The following TMEM108 variants were observed in gnomAD, a reference collection of about 807,000 sequenced individuals.
TMEM108 encodes the protein transmembrane protein 108, also known as cancer/testis antigen 124.
TMEM108 carries 12 observed loss-of-function variants against 35.1 expected under a neutral mutation model. That is an observed-to-expected ratio of 0.34 (90% CI 0.22 to 0.55). The LOEUF is 0.55. TMEM108 is among the 20% of genes least tolerant of loss of function. The probability of loss-of-function intolerance (pLI) is 0.89; values close to 1 mark genes in which losing one functional copy is unlikely to be tolerated. For missense variants in TMEM108, 680 were observed against 753.3 expected (o/e 0.90, Z 1.14); for synonymous variants, 287 against 308.6 (o/e 0.93, Z 0.73).
rs556937698 is a variant in TMEM108 at position 133,266,962 on chromosome 3, C to G, written c.40+37611C>G. 2.0e-5 allele frequency among the ~76,000 whole-genome samples: 3 copies of G among 149,692 alleles called. No homozygotes were observed. In the South Asian group the frequency reaches 6.4e-4, roughly 32 times the overall value. On this transcript the variant is annotated intron_variant, in intron 3 of 5. Transcript: ENST00000321871. ...GGGCGTGGTGGCAGGTGCCTGTAGA[C>G]CCAGCTACTCGGGAGGCTGAGGCAG... is the stretch of plus-strand genomic sequence containing the variant.
chr3:133,089,781 A>G (rs1943926521), intron 2 of TMEM108, among the ~76,000 whole-genome samples: 2 of 152,264 alleles, frequency 1.3e-5, no homozygotes, highest in South Asian at 4.1e-4. Context: ...TAGTTCATTC[A>G]TAAACTGACC....
In TMEM108 at chr3:133,194,544, C is replaced by T. The variant is rs1945549118; in HGVS notation, c.-46-34722C>T. 2.0e-5 allele frequency among the ~76,000 whole-genome samples: 3 copies of T among 151,592 alleles called. No individual in the cohort carries two copies. In the South Asian group the frequency reaches 6.2e-4, roughly 31 times the overall value. On this transcript the variant is annotated intron_variant, in intron 2 of 5. Coordinates refer to ENST00000321871, the MANE Select transcript of TMEM108 (RefSeq NM_023943.4). ...AGAATCAAAAATGAAAACAAAAGCC[C>T]CATGATGTGTTTTCAGTGTGAAATT...
intron 2 of TMEM108, among the ~76,000 whole-genome samples, chr3:133,142,976 T>G (rs1944661906): frequency 1.3e-5 from 2 of 152,192 alleles, no homozygotes; most frequent in African/African-American, 2.4e-5. Flanking sequence ...TAAACAGCAT[T>G]TGAATCCAGA....
chr3:133,074,677 T>C (rs144858715), intron 2 of TMEM108, among the ~76,000 whole-genome samples: 6,783 of 152,192 alleles, frequency 0.045, 199 homozygotes, highest in African/African-American at 0.064. Flanking sequence ...TTAGTAGAGA[T>C]GGGGTTTTGC....
At chr3:133,262,436 T>A (rs1408084212) in intron 3 of TMEM108, among the ~76,000 whole-genome samples, 1 of 152,236 alleles carries the variant, frequency 6.6e-6, no homozygotes. Flanking sequence ...ATCAATCTCA[T>A]GATCTCCTCC....
At chr3:133,059,130 G>A (rs941835382) in intron 2 of TMEM108, among the ~76,000 whole-genome samples, 2 of 152,150 alleles carry the variant, frequency 1.3e-5, no homozygotes, top group African/African-American at 2.4e-5. Flanking sequence ...TTACAAGGGC[G>A]TTAATCCCAT....
chr3:133,057,833 A>G (rs1943489364), intron 2 of TMEM108, among the ~76,000 whole-genome samples: 1 of 152,210 alleles, frequency 6.6e-6, no homozygotes, highest in African/African-American at 2.4e-5. Context: ...TAGGCTGGCA[A>G]CGGGAGCTTC....
At chr3:133,077,361 G>T (rs1943754801) in intron 2 of TMEM108, among the ~76,000 whole-genome samples, 1 of 152,092 alleles carries the variant, frequency 6.6e-6, no homozygotes, top group Non-Finnish European at 1.5e-5. Context: ...GTTCAGCCAG[G>T]AGCAAGTTAT....
chr3:133,381,740 C>G (rs1392248510), intron 4 of TMEM108, among the ~76,000 whole-genome samples: 1 of 148,780 alleles, frequency 6.7e-6, no homozygotes, highest in East Asian at 2.0e-4. Context: ...CTCTCTTCTC[C>G]TAAGAAAGAA....
At chr3:133,266,231 G>A (rs997486900) in intron 3 of TMEM108, among the ~76,000 whole-genome samples, 2 of 151,814 alleles carry the variant, frequency 1.3e-5, no homozygotes, top group African/African-American at 4.9e-5. Flanking sequence ...TTTACTAATT[G>A]TATTCTTATA....
intron 2 of TMEM108, among the ~76,000 whole-genome samples, chr3:133,194,605 C>G (rs1559863987): frequency 6.7e-6 from 1 of 149,896 alleles, no homozygotes; most frequent in Non-Finnish European, 1.5e-5. Context: ...AGCAGGGGAA[C>G]AAATTCACTT....
At chr3:133,122,666 G>A (rs561268220) in intron 2 of TMEM108, among the ~76,000 whole-genome samples, 12 of 152,008 alleles carry the variant, frequency 7.9e-5, no homozygotes, top group East Asian at 3.9e-4. Context: ...GATCAAGACC[G>A]TCCTGGCTAA....
intron 3 of TMEM108, among the ~76,000 whole-genome samples, chr3:133,283,333 C>A (rs892409642): frequency 2.6e-5 from 4 of 152,006 alleles, no homozygotes; most frequent in African/African-American, 9.7e-5. Flanking sequence ...GAAAATAATG[C>A]AACGAAGATT....
chr3:133,244,079 G>T (rs973132095), intron 3 of TMEM108, among the ~76,000 whole-genome samples: 2 of 152,154 alleles, frequency 1.3e-5, no homozygotes, highest in Admixed American at 6.5e-5. Flanking sequence ...TCTTCATCGG[G>T]TGACAGAGTA....
At chr3:133,231,207 A>G (rs925364961) in intron 3 of TMEM108, among the ~76,000 whole-genome samples, 1 of 152,198 alleles carries the variant, frequency 6.6e-6, no homozygotes, top group Non-Finnish European at 1.5e-5. Context: ...TATATAACTC[A>G]TATATTTTAT....
intron 2 of TMEM108, among the ~76,000 whole-genome samples, chr3:133,057,453 A>G (rs543818269): frequency 3.3e-4 from 11 of 32,952 alleles, no homozygotes; most frequent in African/African-American, 6.0e-4. Context: ...ATATATATAT[A>G]TATATATATA....
chr3:133,134,015 G>C (rs1358671970), intron 2 of TMEM108, among the ~76,000 whole-genome samples: 1 of 151,822 alleles, frequency 6.6e-6, no homozygotes, highest in African/African-American at 2.4e-5. Context: ...ACCCACCTCA[G>C]CCTCCCAAAG....
At chr3:133,249,701 A>T (rs1265453493) in intron 3 of TMEM108, among the ~76,000 whole-genome samples, 1 of 152,092 alleles carries the variant, frequency 6.6e-6, no homozygotes, top group African/African-American at 2.4e-5. Context: ...TTCCTTATCC[A>T]GTCCACTGTT....
At chr3:133,307,326 T>A (rs778830355) in intron 3 of TMEM108, among the ~76,000 whole-genome samples, 3 of 152,194 alleles carry the variant, frequency 2.0e-5, no homozygotes, top group Non-Finnish European at 2.9e-5. Flanking sequence ...GTAGGTTGCC[T>A]GTTCACTCTG....
Sources: allele counts gnomAD v4.1 joint callset (sites outside exome capture counted in the v4.1 genomes callset), GRCh38; gene constraint gnomAD v4.1.1; transcripts MANE v1.5; gene names NCBI Gene and HGNC (gene_info 2026-07-23, HGNC 2026-07-21).